Variants in B4GALNT3 observed in about 807,000 individuals in gnomAD.
B4GALNT3 encodes the protein beta-1,4-N-acetyl-galactosaminyltransferase 3, also known as beta-1,4-N-acetylgalactosaminyltransferase 3.
In B4GALNT3, 86 loss-of-function variants were observed where a neutral mutation model predicts 120.2. That is an observed-to-expected ratio of 0.72 (90% CI 0.60 to 0.86). The LOEUF is 0.86. Among genes scored for constraint, B4GALNT3 ranks in the 40% least tolerant of loss-of-function variants. B4GALNT3 has a pLI of 0.00. For missense variants in B4GALNT3, 1,167 were observed against 1,298.9 expected, an observed-to-expected ratio of 0.90 and a Z score of 1.56; for synonymous variants, 518 against 510.4, an observed-to-expected ratio of 1.01 and a Z score of -0.20.
At chr12:540,766 C>A (rs201200030) in intron 3 of B4GALNT3, among the ~76,000 whole-genome samples, 1 of 151,532 alleles carries the variant, frequency 6.6e-6, no homozygotes, top group African/African-American at 2.4e-5. Flanking sequence ...TTTTTTGAGA[C>A]GGAGTCTCGC....
At chr12:516,145 C>CA (rs1314469750) in intron 1 of B4GALNT3, among the ~76,000 whole-genome samples, 5,800 of 76,590 alleles carry the variant, frequency 0.076, 354 homozygotes, top group African/African-American at 0.21. Flanking sequence ...GACTCCGTCT[C>CA]AAAAAAAAAA....
At chr12:470,127 G>C (rs1010683867) in intron 1 of B4GALNT3, among the ~76,000 whole-genome samples, 1 of 152,142 alleles carries the variant, frequency 6.6e-6, no homozygotes, top group Non-Finnish European at 1.5e-5. Context: ...TGGAAGTTGC[G>C]CACGTCACTA....
rs759949676 is a variant in B4GALNT3 at position 460,420 on chromosome 12, C to T, written c.44C>T (p.Pro15Leu). 19 of 1,541,296 alleles carry T rather than the reference C, an allele frequency of 1.2e-5. No homozygotes were observed. The highest frequency in any genetic ancestry group is 1.7e-5 in the Non-Finnish European group (19 of 1,147,316). ...RAARPPLLLR[P>L]VKLLRRRFRL... ...GCGCGGCCCCCGCTGCTCCTGCGCCCGGTGAAGCTGCTGCGGAGGCGCTTC... is the reference window on the plus strand; with the variant it reads ...GCGCGGCCCCCGCTGCTCCTGCGCCTGGTGAAGCTGCTGCGGAGGCGCTTC... Residue 15 changes from proline to leucine, a missense_variant, in exon 1 of 20, where the codon CCG (proline) becomes CTG (leucine). Transcript: ENST00000266383. This position sits in a 1 kb window ranked among gnomAD's most constrained non-coding sequence, Gnocchi z 8.0.
rs192935371 is a variant in B4GALNT3, at chr12:560,603, G to A, written c.2889-740G>A. Among the ~76,000 whole-genome samples the A allele has an allele frequency of 9.3e-4, 141 of 152,320 alleles. 1 individual carries two copies. Among genetic ancestry groups the A allele is most frequent in the African/African-American group, 3.1e-3 (130 of 41,564 alleles). On this transcript the variant is annotated intron_variant, in intron 19 of 19. Transcript: ENST00000266383. ...GTGAAAAGGGGGAAGGTAAAGGAAC[G>A]TAGATAACTGGGAGCTCATAAAAAG... is the stretch of plus-strand genomic sequence containing the variant.
chr12:532,598 G>T (rs1239162011), intron 1 of B4GALNT3, among the ~76,000 whole-genome samples: 1 of 152,126 alleles, frequency 6.6e-6, no homozygotes, highest in Non-Finnish European at 1.5e-5. Flanking sequence ...GGCCTAATGG[G>T]ACTCTTGCTA....
At chr12:539,411 T>G (rs894649339) in intron 3 of B4GALNT3, among the ~76,000 whole-genome samples, 1 of 151,852 alleles carries the variant, frequency 6.6e-6, no homozygotes, top group African/African-American at 2.4e-5. Flanking sequence ...GAGTACAAAG[T>G]CAGATCAAAG....
At chr12:552,617 G>GC in intron 13 of B4GALNT3, 89 bp downstream of exon 13, 2 of 1,281,446 alleles carry the variant, frequency 1.6e-6, no homozygotes, top group Non-Finnish European at 1.1e-6. Flanking sequence ...TGCCAGCCCC[G>GC]CCCCTGAGGA....
At chr12:483,613 G>A (rs548311108) in intron 1 of B4GALNT3, among the ~76,000 whole-genome samples, 34 of 152,310 alleles carry the variant, frequency 2.2e-4, no homozygotes, top group African/African-American at 7.9e-4. Context: ...TAGGAGGATC[G>A]TTTGAGCCCG....
chr12:528,054 A>G (rs1946773598), intron 1 of B4GALNT3, among the ~76,000 whole-genome samples: 1 of 152,120 alleles, frequency 6.6e-6, no homozygotes, highest in Non-Finnish European at 1.5e-5. Context: ...TAGTGGAGGC[A>G]GACACAAATT....
chr12:539,661 C>A (rs1413538872), intron 3 of B4GALNT3, among the ~76,000 whole-genome samples: 2 of 152,108 alleles, frequency 1.3e-5, no homozygotes, highest in African/African-American at 4.8e-5. Context: ...ACCTGTAATG[C>A]TAGCACTTTG....
chr12:478,912 G>C (rs1245646366), intron 1 of B4GALNT3, among the ~76,000 whole-genome samples: 3 of 152,228 alleles, frequency 2.0e-5, no homozygotes, highest in Non-Finnish European at 4.4e-5. Flanking sequence ...CACCCATCTG[G>C]GAAGGTGTCC....
chr12:522,346 T>A (rs1048926678), intron 1 of B4GALNT3, among the ~76,000 whole-genome samples: 29 of 152,142 alleles, frequency 1.9e-4, no homozygotes, highest in African/African-American at 6.5e-4. Flanking sequence ...GGAAGGAAAT[T>A]CTGACACATG....
intron 1 of B4GALNT3, among the ~76,000 whole-genome samples, chr12:496,463 G>A (rs188175247): frequency 8.9e-4 from 136 of 152,184 alleles, no homozygotes; most frequent in South Asian, 2.9e-3. Flanking sequence ...GTCCAGGCGT[G>A]GTGGCACACA....
At chr12:534,665 G>T (rs948802169) in intron 1 of B4GALNT3, among the ~76,000 whole-genome samples, 3 of 152,042 alleles carry the variant, frequency 2.0e-5, no homozygotes, top group African/African-American at 7.2e-5. Flanking sequence ...CACATCCCAG[G>T]CCCACTCTTT....
chr12:512,982 C>T (rs1221841471), intron 1 of B4GALNT3, among the ~76,000 whole-genome samples: 5 of 144,166 alleles, frequency 3.5e-5, no homozygotes, highest in Admixed American at 6.8e-5. Context: ...CACCTTCCAC[C>T]TTCGATCTTC....
At chr12:526,312 C>A (rs1322786089) in intron 1 of B4GALNT3, among the ~76,000 whole-genome samples, 1 of 152,182 alleles carries the variant, frequency 6.6e-6, no homozygotes, top group Non-Finnish European at 1.5e-5. Flanking sequence ...TACTCCTGAC[C>A]ACCACTAAAC....
rs1456566044 is a variant in B4GALNT3 at position 538,777 on chromosome 12, G to A, written c.351+2482G>A. 3.3e-5 allele frequency among the ~76,000 whole-genome samples: 5 copies of A among 152,094 alleles called. No individual in the cohort carries two copies. In the South Asian group the frequency reaches 6.2e-4, roughly 19 times the overall value. ...AGGTCCTGGAGAGGCCAAACCACAC[G>A]CAGTCACACAGCTGCATTATGGTGC... On this transcript the variant is annotated intron_variant, in intron 3 of 19. Coordinates refer to ENST00000266383, the MANE Select transcript of B4GALNT3 (RefSeq NM_173593.4).
intron 2 of B4GALNT3, among the ~76,000 whole-genome samples, chr12:536,004 A>G (rs1226447658): frequency 6.6e-6 from 1 of 152,206 alleles, no homozygotes; most frequent in Non-Finnish European, 1.5e-5. Flanking sequence ...CTGCTTTCCC[A>G]TATGGGGAGG....
In B4GALNT3 at chr12:546,830, C is replaced by G. The variant is rs955744496; in HGVS notation, c.707+117C>G. ...AGAGCTTCCGTGTGTCCGGCACCCACACGCTCCCGGCAACCGGGTCTTTGG... is the reference window on the plus strand; with the variant it reads ...AGAGCTTCCGTGTGTCCGGCACCCAGACGCTCCCGGCAACCGGGTCTTTGG... On this transcript the variant is annotated intron_variant, in intron 7 of 19. Transcript: ENST00000266383. The G allele has an allele frequency of 2.9e-6, 3 of 1,018,656 alleles. No individual in the cohort carries two copies. The East Asian group carries it at 7.9e-5, about 27-fold the overall frequency. The allele number at this position is 1,018,656 out of a possible 1,614,324, so 63.1% of individuals were successfully genotyped here. A position where few individuals can be genotyped will look rare whatever the true frequency, so the allele number is the denominator to read the frequency against.
Sources: allele counts gnomAD v4.1 joint callset (sites outside exome capture counted in the v4.1 genomes callset), GRCh38; gene constraint gnomAD v4.1.1; non-coding constraint Gnocchi (gnomAD v3.1); transcripts MANE v1.5; gene names NCBI Gene and HGNC (gene_info 2026-07-23, HGNC 2026-07-21).